MAGI1: variants seen among roughly 807,000 people sequenced by gnomAD.
MAGI1 encodes membrane-associated guanylate kinase, WW and PDZ domain-containing protein 1.
In MAGI1, 58 loss-of-function variants were observed where a neutral mutation model predicts 139.9. The ratio of observed to expected loss-of-function variants is 0.41; its 90% CI spans 0.34 to 0.52. MAGI1 has a LOEUF of 0.52. Among genes scored for constraint, MAGI1 ranks in the 20% least tolerant of loss-of-function variants. MAGI1 has a pLI of 0.12. For synonymous variants in MAGI1, 812 were observed against 737.9 expected, an observed-to-expected ratio of 1.10 and a Z score of -1.63; for missense variants, 1,874 against 1,901.6, an observed-to-expected ratio of 0.99 and a Z score of 0.27.
At chr3:65,669,095 C>G (rs2086701133) in intron 1 of MAGI1, among the ~76,000 whole-genome samples, 1 of 151,184 alleles carries the variant, frequency 6.6e-6, no homozygotes, top group Non-Finnish European at 1.5e-5. Flanking sequence ...TGCCACCAAG[C>G]CTGGCTAATT....
At chr3:65,379,936 C>A (rs987523525) in intron 16 of MAGI1, among the ~76,000 whole-genome samples, 2 of 152,360 alleles carry the variant, frequency 1.3e-5, no homozygotes, top group South Asian at 4.1e-4. Context: ...TGAAGACCGC[C>A]ATCTTGGCTT....
chr3:65,833,899 C>T (rs2042664411), intron 1 of MAGI1, among the ~76,000 whole-genome samples: 1 of 152,210 alleles, frequency 6.6e-6, no homozygotes, highest in African/African-American at 2.4e-5. Flanking sequence ...TGAACTTTCA[C>T]AAGCTCCCCA....
intron 1 of MAGI1, among the ~76,000 whole-genome samples, chr3:65,635,830 A>T (rs528583916): frequency 2.3e-4 from 35 of 152,376 alleles, no homozygotes; most frequent in African/African-American, 7.2e-4. Flanking sequence ...ATCTGACGTC[A>T]TTCATGCAAC....
intron 1 of MAGI1, among the ~76,000 whole-genome samples, chr3:65,832,221 A>G (rs1184088651): frequency 6.6e-6 from 1 of 152,184 alleles, no homozygotes; most frequent in East Asian, 1.9e-4. Context: ...ACTGGCAGAA[A>G]TGATGTCTCC....
intron 2 of MAGI1, among the ~76,000 whole-genome samples, chr3:65,546,143 C>A (rs1170280663): frequency 6.6e-6 from 1 of 152,088 alleles, no homozygotes; most frequent in Non-Finnish European, 1.5e-5. Flanking sequence ...TCATAAATGG[C>A]CACTAACTAT....
chr3:65,909,437 G>A (rs547762529), intron 1 of MAGI1, among the ~76,000 whole-genome samples: 11 of 152,208 alleles, frequency 7.2e-5, no homozygotes, highest in Non-Finnish European at 1.5e-4. Context: ...GGGAGGCCAA[G>A]GTGGGAGGAC....
rs2081709712 is a variant in MAGI1, at chr3:65,586,898, C to A, written c.430+35074G>T. 2.0e-5 allele frequency among the ~76,000 whole-genome samples: 3 copies of A among 152,196 alleles called. No individual in the cohort carries two copies. The South Asian group carries it at 6.2e-4, about 32-fold the overall frequency. ...CTGGTATGGGCGAATGAAGGTTTCTCCTTAGCCTGTAACAGGTCACAAAAG... is the reference window on the plus strand; with the variant it reads ...CTGGTATGGGCGAATGAAGGTTTCTACTTAGCCTGTAACAGGTCACAAAAG... On this transcript the variant is annotated intron_variant, in intron 2 of 22. Transcript: ENST00000402939.
chr3:65,433,810 G>A (rs1035246017), intron 10 of MAGI1, among the ~76,000 whole-genome samples: 2 of 151,982 alleles, frequency 1.3e-5, no homozygotes, highest in African/African-American at 2.4e-5. Flanking sequence ...GGAAAGAAAT[G>A]TCACTTCTTG....
At chr3:65,668,562 CTTTTTTT>C (rs58434479) in intron 1 of MAGI1, among the ~76,000 whole-genome samples, 2 of 79,892 alleles carry the variant, frequency 2.5e-5, no homozygotes, top group Admixed American at 1.6e-4. Context: ...CCTTTTTTTT[CTTTTTTT>C]TTTTTTTTTT....
chr3:65,953,105 A>G (rs534575089), intron 1 of MAGI1, among the ~76,000 whole-genome samples: 29 of 152,250 alleles, frequency 1.9e-4, no homozygotes, highest in African/African-American at 6.5e-4. Context: ...GCAGCTGCCT[A>G]TGGTGTTCTC....
intron 1 of MAGI1, among the ~76,000 whole-genome samples, chr3:65,746,812 CAGTA>C (rs1190232337): frequency 1.4e-5 from 2 of 143,258 alleles, no homozygotes; most frequent in Admixed American, 7.0e-5. Flanking sequence ...ATCACTGACT[CAGTA>C]AGTATATTCA....
chr3:66,010,601 C>T (rs977669564), intron 1 of MAGI1, among the ~76,000 whole-genome samples: 32 of 152,268 alleles, frequency 2.1e-4, no homozygotes, highest in South Asian at 1.0e-3. Flanking sequence ...TATAATGAAA[C>T]GAAGCTTTCT....
chr3:65,904,471 G>A (rs1475350142), intron 1 of MAGI1, among the ~76,000 whole-genome samples: 1 of 152,036 alleles, frequency 6.6e-6, no homozygotes, highest in Non-Finnish European at 1.5e-5. Flanking sequence ...CCCTGACCAC[G>A]GCCTTCAGGG....
chr3:65,574,215 A>T lies in MAGI1; in HGVS notation c.430+47757T>A, dbSNP rs200849249. Among the ~76,000 whole-genome samples, 9 of 150,336 alleles carry T rather than the reference A, an allele frequency of 6.0e-5. No individual in the cohort carries two copies. In the East Asian group the frequency reaches 1.6e-3, roughly 26 times the overall value. ...ACTTTTATTTTAGGTTCCGGGATAC[A>T]TGTGCAGGTTTTTACATATATATAT... On this transcript the variant is annotated intron_variant, in intron 2 of 22. Transcript: ENST00000402939.
In MAGI1 at chr3:65,356,873, G is replaced by T. The variant is rs1303900643; in HGVS notation, c.3894C>A (p.Asp1298Glu). 1.9e-6 allele frequency: 3 copies of T among 1,614,136 alleles called. No homozygotes were observed. The Admixed American group carries it at 5.0e-5, about 27-fold the overall frequency. Residue 1298 changes from aspartate to glutamate, a missense_variant, in exon 23 of 23, where the codon GAC becomes GAA. Asp to Glu is a conservative substitution (Grantham distance 45). This residue lies in a region of MAGI1 where 653 missense variants were observed against 644.5 expected (regional missense o/e 1.01). Coordinates refer to ENST00000402939, the MANE Select transcript of MAGI1 (RefSeq NM_001033057.2). ...KPDSGACRPK[D>E]RAPEGRRDAQ... The stretch of plus-strand genomic sequence containing the variant: ...CGTCCCTCCGTCCCTCCGGCGCCCG[G>T]TCCTTGGGTCGGCATGCCCCGCTGT...
chr3:65,611,627 GTATA>G (rs58163149), intron 2 of MAGI1, among the ~76,000 whole-genome samples: 5 of 134,780 alleles, frequency 3.7e-5, no homozygotes, highest in Admixed American at 7.5e-5. Flanking sequence ...AGTATATACA[GTATA>G]TATATATACT....
intron 1 of MAGI1, among the ~76,000 whole-genome samples, chr3:65,679,527 C>A (rs542523052): frequency 6.6e-6 from 1 of 152,052 alleles, no homozygotes; most frequent in South Asian, 2.1e-4. Flanking sequence ...CATGCCACTG[C>A]ACTCCAGCCT....
intron 1 of MAGI1, among the ~76,000 whole-genome samples, chr3:65,819,168 C>T (rs1489682812): frequency 6.6e-6 from 1 of 152,094 alleles, no homozygotes; most frequent in Non-Finnish European, 1.5e-5. Context: ...CCTATAATCC[C>T]AGCTACTCAG....
At chr3:65,771,901 T>C (rs1027094425) in intron 1 of MAGI1, among the ~76,000 whole-genome samples, 3 of 152,212 alleles carry the variant, frequency 2.0e-5, no homozygotes, top group African/African-American at 4.8e-5. Flanking sequence ...AAAAGAATAC[T>C]GTGGCATCTT....
Sources: allele counts gnomAD v4.1 joint callset (sites outside exome capture counted in the v4.1 genomes callset), GRCh38; gene constraint gnomAD v4.1.1; regional missense constraint gnomAD v4.1.1; transcripts MANE v1.5; gene names NCBI Gene and HGNC (gene_info 2026-07-23, HGNC 2026-07-21).